The following ANO3 variants were observed in gnomAD, a reference collection of about 807,000 sequenced individuals.
The protein encoded by ANO3 is anoctamin 3.
ANO3 carries 99 observed loss-of-function variants against 144.8 expected under a neutral mutation model. The observed-to-expected ratio is 0.68, with a 90% CI of 0.58 to 0.81. The LOEUF is 0.81. ANO3 is among the 30% of genes least tolerant of loss of function. ANO3 has a pLI of 0.00. For synonymous variants in ANO3, 414 were observed against 392.6 expected, an observed-to-expected ratio of 1.05 and a Z score of -0.64; for missense variants, 905 against 1,202.2, an observed-to-expected ratio of 0.75 and a Z score of 3.66.
intron 1 of ANO3, among the ~76,000 whole-genome samples, chr11:26,293,870 A>C (rs1396818124): frequency 1.3e-5 from 2 of 152,138 alleles, no homozygotes; most frequent in African/African-American, 4.8e-5. Context: ...ATAGCAATTT[A>C]TAGGTGAAGA....
chr11:26,460,421 G>C (rs1331672202), intron 3 of ANO3, among the ~76,000 whole-genome samples: 49 of 42,084 alleles, frequency 1.2e-3, no homozygotes, highest in Middle Eastern at 0.021. Context: ...AAGAAGAAAG[G>C]GGGGGGGGCG....
intron 4 of ANO3, among the ~76,000 whole-genome samples, chr11:26,497,027 C>CAG (rs1400726110): frequency 1.5e-4 from 1 of 6,612 alleles, no homozygotes; most frequent in Non-Finnish European, 2.1e-3. Flanking sequence ...TATATACAGA[C>CAG]ACACACACAC....
At chr11:26,333,282 G>T (rs1248861743) in intron 1 of ANO3, among the ~76,000 whole-genome samples, 6 of 100,898 alleles carry the variant, frequency 5.9e-5, no homozygotes, top group African/African-American at 1.8e-4. Flanking sequence ...GTAGCTCTTT[G>T]ACTTTTTTTT....
At chr11:26,655,363 G>T (rs1166500285) in intron 24 of ANO3, among the ~76,000 whole-genome samples, 1 of 152,168 alleles carries the variant, frequency 6.6e-6, no homozygotes, top group East Asian at 1.9e-4. Context: ...GAAAGGGAAA[G>T]AATAGGTGAT....
chr11:26,271,877 T>C (rs1031329563), intron 1 of ANO3, among the ~76,000 whole-genome samples: 7 of 152,140 alleles, frequency 4.6e-5, no homozygotes, highest in African/African-American at 1.7e-4. Context: ...TATGCAATAC[T>C]TAAATGTGAA....
At chr11:26,227,328 G>T (rs772119093) in intron 1 of ANO3, among the ~76,000 whole-genome samples, 4 of 152,158 alleles carry the variant, frequency 2.6e-5, no homozygotes, top group Non-Finnish European at 5.9e-5. Flanking sequence ...TAACTCTGAT[G>T]ATTTGCATCA....
intron 14 of ANO3, 117 bp from the exon 15 acceptor site, chr11:26,598,248 T>C (rs2132924507): frequency 2.3e-6 from 1 of 443,500 alleles, no homozygotes; most frequent in South Asian, 1.0e-4. Flanking sequence ...AAAAATAAAA[T>C]TTTAATTTAT....
intron 1 of ANO3, among the ~76,000 whole-genome samples, chr11:26,354,873 A>AT (rs938237265): frequency 9.4e-5 from 14 of 148,758 alleles, no homozygotes; most frequent in South Asian, 2.1e-4. Context: ...CTCAGGTAAG[A>AT]TTTTTTTTTT....
intron 1 of ANO3, among the ~76,000 whole-genome samples, chr11:26,417,262 C>T (rs556826597): frequency 9.9e-5 from 15 of 152,114 alleles, no homozygotes; most frequent in African/African-American, 3.4e-4. Context: ...TATTCATAAT[C>T]GCAAAAAGAC....
intron 14 of ANO3, 28 bp downstream of exon 14, chr11:26,559,807 C>G (rs763328683): frequency 6.8e-7 from 1 of 1,465,052 alleles, no homozygotes. Context: ...TACTTTCTAT[C>G]CCTTATTTTC....
intron 7 of ANO3, among the ~76,000 whole-genome samples, chr11:26,527,324 A>G (rs1849187770): frequency 6.6e-6 from 1 of 152,140 alleles, no homozygotes; most frequent in East Asian, 1.9e-4. Flanking sequence ...GTAAGTTCAT[A>G]AAATGAAAAT....
intron 3 of ANO3, among the ~76,000 whole-genome samples, chr11:26,462,458 G>A (rs1859438881): frequency 6.6e-6 from 1 of 151,684 alleles, no homozygotes; most frequent in South Asian, 2.1e-4. Context: ...TAGCATTTTA[G>A]TTTTTGGCTA....
intron 1 of ANO3, among the ~76,000 whole-genome samples, chr11:26,206,193 T>G (rs1851792459): frequency 6.6e-6 from 1 of 152,306 alleles, no homozygotes; most frequent in African/African-American, 2.4e-5. Context: ...AGCATTTAGT[T>G]GACATCATTT....
At chr11:26,580,587 T>C (rs1851103113) in intron 14 of ANO3, among the ~76,000 whole-genome samples, 1 of 152,236 alleles carries the variant, frequency 6.6e-6, no homozygotes, top group Non-Finnish European at 1.5e-5. Flanking sequence ...TGATAACTAT[T>C]GTTTCAGGTG....
At chr11:26,251,392 A>G (rs1439752009) in intron 1 of ANO3, among the ~76,000 whole-genome samples, 1 of 152,162 alleles carries the variant, frequency 6.6e-6, no homozygotes, top group Admixed American at 6.5e-5. Context: ...GTTTTCAGAT[A>G]TTTTTCAAAT....
intron 14 of ANO3, among the ~76,000 whole-genome samples, chr11:26,564,732 CATATATAT>C (rs66510170): frequency 0.014 from 357 of 25,026 alleles, 1 homozygote; most frequent in Admixed American, 0.016. Flanking sequence ...CACACACACA[CATATATAT>C]ATATATATAT....
chr11:26,443,922 T>C, intron 3 of ANO3, 86 bp downstream of exon 3: 1 of 877,448 alleles, frequency 1.1e-6, no homozygotes, highest in Non-Finnish European at 1.8e-6. Context: ...GCATTTTTTT[T>C]TTAAGAAAAA....
At chr11:26,585,697 T>C (rs76601377) in intron 14 of ANO3, among the ~76,000 whole-genome samples, 1,654 of 152,268 alleles carry the variant, frequency 0.011, 36 homozygotes, top group African/African-American at 0.038. Flanking sequence ...AGGGAAGCAT[T>C]GTATGGTAGA....
At chr11:26,581,445 T>G (rs1420322454) in intron 14 of ANO3, among the ~76,000 whole-genome samples, 2 of 151,904 alleles carry the variant, frequency 1.3e-5, no homozygotes, top group East Asian at 3.9e-4. Flanking sequence ...TCCTAGCACT[T>G]TGGGAGGCCA....
Sources: gnomAD v4.1 joint callset for allele counts (sites outside exome capture counted in the v4.1 genomes callset) on GRCh38, gnomAD v4.1.1 for gene constraint, MANE v1.5 for transcripts, NCBI Gene and HGNC (gene_info 2026-07-23, HGNC 2026-07-21) for gene names.